CAMKMT: variants seen among roughly 807,000 people sequenced by gnomAD.
The protein encoded by CAMKMT is CaM KMT.
A neutral mutation model predicts 48.0 loss-of-function variants in CAMKMT; 53 were observed. That is an observed-to-expected ratio of 1.10 (90% CI 0.89 to 1.39). The LOEUF (loss-of-function observed/expected upper bound fraction) is 1.39. Among genes scored for constraint, CAMKMT ranks in the 40% most tolerant of loss-of-function variants. The probability of loss-of-function intolerance (pLI) is 0.00; values close to 1 mark genes in which losing one functional copy is unlikely to be tolerated. For synonymous variants in CAMKMT, 165 were observed against 152.3 expected, an observed-to-expected ratio of 1.08 and a Z score of -0.61; for missense variants, 428 against 402.7, an observed-to-expected ratio of 1.06 and a Z score of -0.54.
intron 3 of CAMKMT, among the ~76,000 whole-genome samples, chr2:44,437,409 C>G (rs1457717754): frequency 6.6e-6 from 1 of 152,280 alleles, no homozygotes; most frequent in Middle Eastern, 3.4e-3. Context: ...GATAGTTGTT[C>G]TGTTGGGGAA....
chr2:44,387,556 C>G (rs922714248), intron 2 of CAMKMT, among the ~76,000 whole-genome samples: 27 of 152,010 alleles, frequency 1.8e-4, no homozygotes, highest in African/African-American at 6.3e-4. Context: ...TAATTGTACT[C>G]TTTGTTGCCT....
At chr2:44,695,930 A>G (rs1426161727) in intron 3 of CAMKMT, among the ~76,000 whole-genome samples, 1 of 151,886 alleles carries the variant, frequency 6.6e-6, no homozygotes, top group Admixed American at 6.6e-5. Context: ...ACTAAAAATA[A>G]CACAAAAATT....
intron 3 of CAMKMT, chr2:44,549,732 A>C (rs1183208798): frequency 1.3e-5 from 7 of 520,160 alleles, no homozygotes; most frequent in African/African-American, 9.8e-5. Flanking sequence ...GACTTCAGTA[A>C]GTAAGCCTAT....
chr2:44,519,402 C>T (rs1250027372), intron 3 of CAMKMT, among the ~76,000 whole-genome samples: 1 of 152,062 alleles, frequency 6.6e-6, no homozygotes, highest in Non-Finnish European at 1.5e-5. Flanking sequence ...GTTTCCAGGT[C>T]ATAATTTTGA....
At chr2:44,622,075 T>C (rs932962945) in intron 3 of CAMKMT, among the ~76,000 whole-genome samples, 1 of 152,168 alleles carries the variant, frequency 6.6e-6, no homozygotes, top group Admixed American at 6.5e-5. Context: ...AGTGGTTTAA[T>C]TTACGTAAAT....
intron 3 of CAMKMT, among the ~76,000 whole-genome samples, chr2:44,621,075 T>C (rs565136148): frequency 6.6e-6 from 1 of 152,054 alleles, no homozygotes; most frequent in South Asian, 2.1e-4. Context: ...GAGACCATCC[T>C]GGCTAAAACG....
chr2:44,704,681 C>CAAAA (rs1325192887), intron 4 of CAMKMT, among the ~76,000 whole-genome samples: 4 of 81,332 alleles, frequency 4.9e-5, no homozygotes, highest in African/African-American at 1.3e-4. Context: ...TTGTGAAGGT[C>CAAAA]AAAAAAAAAA....
intron 3 of CAMKMT, among the ~76,000 whole-genome samples, chr2:44,441,544 C>T (rs187928731): frequency 2.0e-5 from 3 of 152,078 alleles, no homozygotes; most frequent in Non-Finnish European, 2.9e-5. Context: ...AAAAAGACTG[C>T]GCTATCTTAG....
intron 7 of CAMKMT, among the ~76,000 whole-genome samples, chr2:44,741,880 G>A (rs548615480): frequency 1.3e-5 from 2 of 152,276 alleles, no homozygotes; most frequent in South Asian, 2.1e-4. Flanking sequence ...CCTGCAGTCT[G>A]TTCTTGTGCT....
intron 3 of CAMKMT, among the ~76,000 whole-genome samples, chr2:44,414,124 T>G (rs1270514449): frequency 2.0e-5 from 3 of 152,168 alleles, no homozygotes; most frequent in Non-Finnish European, 4.4e-5. Context: ...GCAACTCTAT[T>G]GTAGAGTAGT....
intron 3 of CAMKMT, among the ~76,000 whole-genome samples, chr2:44,407,894 G>A (rs1029590747): frequency 1.3e-5 from 2 of 152,090 alleles, no homozygotes; most frequent in Non-Finnish European, 2.9e-5. Context: ...AAAAGTTGGG[G>A]CTTCAGAAGC....
At chr2:44,585,227 G>A (rs1440447013) in intron 3 of CAMKMT, among the ~76,000 whole-genome samples, 1 of 152,124 alleles carries the variant, frequency 6.6e-6, no homozygotes, top group Non-Finnish European at 1.5e-5. Flanking sequence ...CACCACATAG[G>A]AGAGCATGAA....
At chr2:44,678,723 TTTGTATA>T (rs1351409795) in intron 3 of CAMKMT, among the ~76,000 whole-genome samples, 3 of 152,194 alleles carry the variant, frequency 2.0e-5, no homozygotes, top group South Asian at 4.1e-4. Context: ...ATTGTGAATG[TTTGTATA>T]TTGTCTTCTG....
intron 3 of CAMKMT, among the ~76,000 whole-genome samples, chr2:44,421,665 A>G (rs1256917783): frequency 1.3e-5 from 2 of 152,212 alleles, no homozygotes; most frequent in African/African-American, 2.4e-5. Flanking sequence ...TGTTCCAGGT[A>G]AAATACCTAA....
At chr2:44,431,914 A>G (rs1684673802) in intron 3 of CAMKMT, among the ~76,000 whole-genome samples, 1 of 152,176 alleles carries the variant, frequency 6.6e-6, no homozygotes, top group South Asian at 2.1e-4. Flanking sequence ...ACTTCCTGGA[A>G]ATGAGCTGTT....
At chr2:44,549,619 A>T (rs1482458106) in intron 3 of CAMKMT, 1 of 679,816 alleles carries the variant, frequency 1.5e-6, no homozygotes. Flanking sequence ...GTGCAGCCTC[A>T]AACTCCTGAA....
Position 44,618,871 on chromosome 2 carries a change from G to A in CAMKMT, c.377-85412G>A, listed in dbSNP as rs536978504. Among the ~76,000 whole-genome samples, 111 of 152,236 alleles carry A rather than the reference G, an allele frequency of 7.3e-4. No individual in the cohort carries two copies. The highest frequency in any genetic ancestry group is 3.4e-3 in the Middle Eastern group (1 of 294). On this transcript the variant is annotated intron_variant, in intron 3 of 10. Coordinates refer to ENST00000378494, the MANE Select transcript of CAMKMT (RefSeq NM_024766.5). This position sits in a 1 kb window ranked among gnomAD's most constrained non-coding sequence, Gnocchi z 4.0. ...TTATTCTATTTCATGTATAATTGAT[G>A]ACAATGTTTCATGTAATTATTGATA...
At chr2:44,565,208 A>C (rs1050588288) in intron 3 of CAMKMT, among the ~76,000 whole-genome samples, 4 of 152,244 alleles carry the variant, frequency 2.6e-5, no homozygotes, top group African/African-American at 9.6e-5. Context: ...CAACACCTTC[A>C]AACATTTTTA....
intron 3 of CAMKMT, among the ~76,000 whole-genome samples, chr2:44,391,408 G>C (rs1351042155): frequency 6.6e-6 from 1 of 151,734 alleles, no homozygotes; most frequent in Middle Eastern, 3.2e-3. Context: ...ACTTGAACCC[G>C]AATGCCTTTT....
Sources: gnomAD v4.1 joint callset for allele counts (sites outside exome capture counted in the v4.1 genomes callset) on GRCh38, gnomAD v4.1.1 for gene constraint, Gnocchi (gnomAD v3.1) non-coding constraint, MANE v1.5 for transcripts, NCBI Gene and HGNC (gene_info 2026-07-23, HGNC 2026-07-21) for gene names.